The following GALNT13 variants were observed in gnomAD, a reference collection of about 807,000 sequenced individuals.
GALNT13 encodes the protein polypeptide N-acetylgalactosaminyltransferase 13.
In GALNT13, 28 loss-of-function variants were observed where a neutral mutation model predicts 64.2. That is an observed-to-expected ratio of 0.44 (90% CI 0.32 to 0.60). The LOEUF is 0.60. GALNT13 is among the 20% of genes least tolerant of loss of function. The probability of loss-of-function intolerance (pLI) is 0.05; values close to 1 mark genes in which losing one functional copy is unlikely to be tolerated. For missense variants in GALNT13, 577 were observed against 669.8 expected (o/e 0.86, Z 1.53); for synonymous variants, 214 against 224.6 (o/e 0.95, Z 0.42).
At chr2:154,269,609 A>G (rs1266063508) in intron 8 of GALNT13, among the ~76,000 whole-genome samples, 13 of 151,534 alleles carry the variant, frequency 8.6e-5, no homozygotes. Flanking sequence ...TGTAGTCTCC[A>G]CAAAGAATGC....
At chr2:153,232,483 C>A in the GALNT13 span, among the ~76,000 whole-genome samples, 2 of 152,204 alleles carry the variant, frequency 1.3e-5, no homozygotes, top group Non-Finnish European at 2.9e-5. Flanking sequence ...ACACTCACCA[C>A]AGTGAAAGTC....
At chr2:153,905,926 G>T (rs1688529967) in intron 2 of GALNT13, among the ~76,000 whole-genome samples, 1 of 151,944 alleles carries the variant, frequency 6.6e-6, no homozygotes, top group Admixed American at 6.6e-5. Context: ...TGGCTATTGG[G>T]TGGGTTGTGA....
At chr2:153,779,284 A>G in the GALNT13 span, among the ~76,000 whole-genome samples, 1 of 152,162 alleles carries the variant, frequency 6.6e-6, no homozygotes, top group Non-Finnish European at 1.5e-5. Context: ...AAGAGATGCT[A>G]GTAAGTAATT....
the GALNT13 span, among the ~76,000 whole-genome samples, chr2:153,745,569 G>C: frequency 6.3e-3 from 957 of 152,214 alleles, 6 homozygotes; most frequent in South Asian, 0.011. Flanking sequence ...TTCAATGAAA[G>C]AAATTCTCAA....
chr2:153,977,184 G>T lies in GALNT13; in HGVS notation c.142+32545G>T, dbSNP rs180686901. On this transcript the variant is annotated intron_variant, in intron 3 of 12. Coordinates refer to ENST00000392825, the MANE Select transcript of GALNT13 (RefSeq NM_052917.4). ...TTCCATCAACTGCCTCTCAAGGAAA[G>T]GGTACTACTGACTTATTCAAAGCAT... Among the ~76,000 whole-genome samples, 38 of 152,172 alleles carry T rather than the reference G, an allele frequency of 2.5e-4. No individual in the cohort carries two copies. The East Asian group carries it at 6.0e-3, about 24-fold the overall frequency.
At chr2:153,471,699 T>G in the GALNT13 span, among the ~76,000 whole-genome samples, 921 of 152,322 alleles carry the variant, frequency 6.0e-3, 7 homozygotes, top group African/African-American at 0.02. Context: ...ATGCAATACA[T>G]AATCTTTGAC....
At chr2:153,752,974 T>A in the GALNT13 span, among the ~76,000 whole-genome samples, 1 of 152,194 alleles carries the variant, frequency 6.6e-6, no homozygotes, top group East Asian at 1.9e-4. Context: ...TATTTTCAAA[T>A]AACCTGTCTT....
chr2:153,696,988 TC>T, the GALNT13 span, among the ~76,000 whole-genome samples: 1 of 152,218 alleles, frequency 6.6e-6, no homozygotes, highest in Admixed American at 6.5e-5. Flanking sequence ...AAAGCCATTT[TC>T]TAAAAGTAAT....
chr2:153,943,086 G>T, intron 2 of GALNT13, among the ~76,000 whole-genome samples: 1 of 152,200 alleles, frequency 6.6e-6, no homozygotes, highest in Non-Finnish European at 1.5e-5. Context: ...TGTTTTGTCT[G>T]ATTTACTTAC....
intron 3 of GALNT13, among the ~76,000 whole-genome samples, chr2:153,960,875 AT>A (rs1279515633): frequency 6.6e-6 from 1 of 152,206 alleles, no homozygotes; most frequent in Non-Finnish European, 1.5e-5. Context: ...AGTTTTATTC[AT>A]TAATTAAAAC....
chr2:154,331,781 CTT>C (rs543128932), intron 9 of GALNT13, among the ~76,000 whole-genome samples: 83 of 152,078 alleles, frequency 5.5e-4, no homozygotes, highest in African/African-American at 2.0e-3. Context: ...TTTTAAATGA[CTT>C]TTTAAACTTT....
intron 2 of GALNT13, among the ~76,000 whole-genome samples, chr2:153,924,817 T>C (rs945695144): frequency 3.9e-5 from 6 of 152,294 alleles, no homozygotes; most frequent in Non-Finnish European, 5.9e-5. Context: ...ATCCGTGACG[T>C]TGAGCTTTTT....
At chr2:153,394,135 T>C in the GALNT13 span, among the ~76,000 whole-genome samples, 1 of 152,004 alleles carries the variant, frequency 6.6e-6, no homozygotes, top group Non-Finnish European at 1.5e-5. Flanking sequence ...CCACATTCAC[T>C]TTTCCTGCCT....
chr2:153,416,665 A>G, the GALNT13 span, among the ~76,000 whole-genome samples: 2 of 152,144 alleles, frequency 1.3e-5, no homozygotes, highest in African/African-American at 4.8e-5. Flanking sequence ...GGTTATATCT[A>G]TTGGTGTTTT....
At chr2:153,299,123 AT>A in the GALNT13 span, among the ~76,000 whole-genome samples, 1 of 152,172 alleles carries the variant, frequency 6.6e-6, no homozygotes, top group Non-Finnish European at 1.5e-5. Flanking sequence ...TTTCTTTTGT[AT>A]TTTATGTGAC....
chr2:153,658,315 T>G, the GALNT13 span, among the ~76,000 whole-genome samples: 1 of 152,272 alleles, frequency 6.6e-6, no homozygotes, highest in East Asian at 1.9e-4. Context: ...CTTCTGCCAA[T>G]GGCCAACTAC....
chr2:153,162,227 G>T, the GALNT13 span, among the ~76,000 whole-genome samples: 7 of 151,996 alleles, frequency 4.6e-5, no homozygotes, highest in Admixed American at 4.6e-4. Context: ...GCCATTTCTT[G>T]GTACAGGGTT....
At chr2:153,673,122 C>A in the GALNT13 span, among the ~76,000 whole-genome samples, 2 of 152,090 alleles carry the variant, frequency 1.3e-5, no homozygotes, top group South Asian at 4.1e-4. Flanking sequence ...CAAATTCTAC[C>A]AGAGATACAA....
intron 2 of GALNT13, among the ~76,000 whole-genome samples, chr2:153,923,564 A>C (rs1454434989): frequency 6.6e-6 from 1 of 151,762 alleles, no homozygotes; most frequent in African/African-American, 2.4e-5. Flanking sequence ...ATTATACTTT[A>C]AGTTCTAGGG....
Sources: gnomAD v4.1 joint callset for allele counts (sites outside exome capture counted in the v4.1 genomes callset) on GRCh38, gnomAD v4.1.1 for gene constraint, MANE v1.5 for transcripts, NCBI Gene and HGNC (gene_info 2026-07-23, HGNC 2026-07-21) for gene names.